The following GRHL2 variants were observed in gnomAD, a reference collection of about 807,000 sequenced individuals.
The protein encoded by GRHL2 is grainyhead like transcription factor 2, also known as grainyhead-like protein 2 homolog.
GRHL2 carries 21 observed loss-of-function variants against 83.8 expected under a neutral mutation model. That is an observed-to-expected ratio of 0.25 (90% CI 0.18 to 0.36). The LOEUF is 0.36. Among genes scored for constraint, GRHL2 ranks in the 10% least tolerant of loss-of-function variants. The probability of loss-of-function intolerance (pLI) is 1.00; values close to 1 mark genes in which losing one functional copy is unlikely to be tolerated. For synonymous variants in GRHL2, 280 were observed against 278.9 expected, an observed-to-expected ratio of 1.00 and a Z score of -0.04; for missense variants, 623 against 781.8, an observed-to-expected ratio of 0.80 and a Z score of 2.42.
At chr8:101,565,548 A>G (rs891416161) in intron 4 of GRHL2, among the ~76,000 whole-genome samples, 1 of 152,166 alleles carries the variant, frequency 6.6e-6, no homozygotes, top group African/African-American at 2.4e-5. Context: ...TGACATTATC[A>G]TCTCTATGTG....
rs537711734 is a variant in GRHL2, at chr8:101,534,942, C to T, written c.21-8299C>T. ...TCTTGCTCTTCTCTAATCCTCATCACGGCCCAATTAGAGGGCACTACTCTG... is the reference window on the plus strand; with the variant it reads ...TCTTGCTCTTCTCTAATCCTCATCATGGCCCAATTAGAGGGCACTACTCTG... On this transcript the variant is annotated intron_variant, in intron 1 of 15. Coordinates refer to ENST00000646743, the MANE Select transcript of GRHL2 (RefSeq NM_024915.4). Among the ~76,000 whole-genome samples, 16 of 152,324 alleles carry T rather than the reference C, an allele frequency of 1.1e-4. No homozygotes were observed. In the South Asian group the frequency reaches 2.9e-3, roughly 28 times the overall value.
intron 1 of GRHL2, among the ~76,000 whole-genome samples, chr8:101,511,651 A>G (rs760500976): frequency 3.6e-4 from 53 of 148,998 alleles, no homozygotes; most frequent in Non-Finnish European, 5.5e-4. Flanking sequence ...GCCCGGCCTC[A>G]TCTTGTTTTT....
chr8:101,615,303 C>T (rs1215714979), intron 8 of GRHL2, among the ~76,000 whole-genome samples: 7 of 152,176 alleles, frequency 4.6e-5, no homozygotes, highest in East Asian at 3.8e-4. Flanking sequence ...TCCATCACGT[C>T]GGCTCTTAGT....
rs186953400 is a variant in GRHL2, at chr8:101,644,039, A to C, written c.1518-92A>C. The stretch of plus-strand genomic sequence containing the variant: ...AGTTACGGAGCATAGGGACGGTATA[A>C]GCAAAGGGAAAGACAGAAACGGACA... On this transcript the variant is annotated intron_variant, in intron 12 of 15. Transcript: ENST00000646743. 1.3e-5 allele frequency: 15 copies of C among 1,139,188 alleles called. No individual in the cohort carries two copies. The Admixed American group carries it at 1.9e-4, about 14-fold the overall frequency. 70.6% of individuals were successfully genotyped at this position (1,139,188 alleles called of 1,614,324 possible).
intron 14 of GRHL2, among the ~76,000 whole-genome samples, chr8:101,653,924 T>C (rs1211011994): frequency 6.6e-6 from 1 of 152,222 alleles, no homozygotes; most frequent in Non-Finnish European, 1.5e-5. Flanking sequence ...TATTAGAGTC[T>C]GATTCTGCCC....
chr8:101,601,897 C>T (rs1812522243), intron 8 of GRHL2, among the ~76,000 whole-genome samples: 1 of 152,112 alleles, frequency 6.6e-6, no homozygotes, highest in Non-Finnish European at 1.5e-5. Context: ...CCCTATCAAC[C>T]CATCATCTAG....
At chr8:101,643,764 G>A (rs528731874) in intron 12 of GRHL2, among the ~76,000 whole-genome samples, 1 of 152,360 alleles carries the variant, frequency 6.6e-6, no homozygotes, top group South Asian at 2.1e-4. Flanking sequence ...GGGAGGGGAC[G>A]ATGTGACTTG....
chr8:101,671,384 G>T (rs1814205632), downstream of GRHL2, among the ~76,000 whole-genome samples: 2 of 152,318 alleles, frequency 1.3e-5, no homozygotes, highest in East Asian at 1.9e-4. Context: ...GGCTCGGAGG[G>T]TCCTACGCGC....
intron 2 of GRHL2, among the ~76,000 whole-genome samples, chr8:101,550,429 A>G (rs1811355386): frequency 6.6e-6 from 1 of 152,148 alleles, no homozygotes; most frequent in Non-Finnish European, 1.5e-5. Flanking sequence ...TCCCATTTAT[A>G]AGTCAGAACA....
chr8:101,577,352 C>G, intron 6 of GRHL2, 56 bp from the exon 7 acceptor site: 1 of 1,073,308 alleles, frequency 9.3e-7, no homozygotes. Flanking sequence ...GAACTGGAGA[C>G]TGAGGCAACA....
chr8:101,609,842 C>G (rs1264311223), intron 8 of GRHL2, among the ~76,000 whole-genome samples: 2 of 151,078 alleles, frequency 1.3e-5, no homozygotes, highest in Non-Finnish European at 2.9e-5. Flanking sequence ...GTCATTTTCA[C>G]AGTTTACCCT....
At chr8:101,664,920 C>T (rs1262170873) in intron 15 of GRHL2, among the ~76,000 whole-genome samples, 6 of 151,918 alleles carry the variant, frequency 3.9e-5, no homozygotes, top group South Asian at 4.2e-4. Context: ...ATAGGGGATT[C>T]CTCTAAGGTA....
chr8:101,639,879 C>T (rs1332862310), intron 12 of GRHL2, among the ~76,000 whole-genome samples: 3 of 152,250 alleles, frequency 2.0e-5, no homozygotes, highest in Admixed American at 1.3e-4. Flanking sequence ...TTAATACTCA[C>T]ATAAATTAAT....
At chr8:101,641,703 G>A (rs975204794) in intron 12 of GRHL2, among the ~76,000 whole-genome samples, 1 of 152,156 alleles carries the variant, frequency 6.6e-6, no homozygotes, top group African/African-American at 2.4e-5. Context: ...CAGGGAGATG[G>A]AAATTGATGT....
intron 7 of GRHL2, among the ~76,000 whole-genome samples, chr8:101,585,420 A>G (rs1452439729): frequency 1.3e-5 from 2 of 152,038 alleles, no homozygotes. Flanking sequence ...CTCCCAAATT[A>G]AAAAAACAAA....
intron 7 of GRHL2, among the ~76,000 whole-genome samples, chr8:101,590,161 G>A (rs1288174328): frequency 6.6e-6 from 1 of 152,134 alleles, no homozygotes; most frequent in East Asian, 1.9e-4. Context: ...ATACTTTAGT[G>A]CCTCTAAAAA....
chr8:101,573,665 C>T lies in GRHL2; in HGVS notation c.735-3C>T, dbSNP rs368516695. On this transcript the variant is annotated splice_region_variant and splice_polypyrimidine_tract_variant and intron_variant, in intron 5 of 15. Coordinates refer to ENST00000646743, the MANE Select transcript of GRHL2 (RefSeq NM_024915.4). ...TCTGACCGCTGTTTGTTTTCTTTCACAGTGGCACATTTCAGTACACCCTGG... is the reference window on the plus strand; with the variant it reads ...TCTGACCGCTGTTTGTTTTCTTTCATAGTGGCACATTTCAGTACACCCTGG... 2.5e-6 allele frequency: 4 copies of T among 1,614,056 alleles called. No homozygotes were observed. The African/African-American group carries it at 5.3e-5, about 22-fold the overall frequency.
chr8:101,523,015 T>C (rs1202831079), intron 1 of GRHL2, among the ~76,000 whole-genome samples: 2 of 151,762 alleles, frequency 1.3e-5, no homozygotes, highest in African/African-American at 4.8e-5. Flanking sequence ...GTTCAAGTGA[T>C]TCTCGTGTCT....
At chr8:101,519,117 C>T (rs1810629933) in intron 1 of GRHL2, among the ~76,000 whole-genome samples, 1 of 152,006 alleles carries the variant, frequency 6.6e-6, no homozygotes, top group Non-Finnish European at 1.5e-5. Flanking sequence ...ATGCCTTTCA[C>T]CTGAAATCTC....
Sources: allele counts gnomAD v4.1 joint callset (sites outside exome capture counted in the v4.1 genomes callset), GRCh38; gene constraint gnomAD v4.1.1; transcripts MANE v1.5; gene names NCBI Gene and HGNC (gene_info 2026-07-23, HGNC 2026-07-21).